Variants in HEATR5A observed in about 807,000 individuals in gnomAD.
HEATR5A encodes the protein HEAT repeat containing 5A.
Under a neutral mutation model 218.8 loss-of-function variants are expected in HEATR5A, and 178 were observed. The observed-to-expected ratio is 0.81, with a 90% CI of 0.72 to 0.92. HEATR5A has a LOEUF of 0.92. HEATR5A is among the 40% of genes least tolerant of loss of function. The pLI, the probability that HEATR5A is intolerant of heterozygous loss-of-function variation, is 0.00. For missense variants in HEATR5A, 2,420 were observed against 2,418.9 expected, an observed-to-expected ratio of 1.00 and a Z score of -0.01; for synonymous variants, 864 against 871.6, an observed-to-expected ratio of 0.99 and a Z score of 0.15.
At chr14:31,300,681 C>T (rs969257442) in intron 33 of HEATR5A, among the ~76,000 whole-genome samples, 1 of 152,222 alleles carries the variant, frequency 6.6e-6, no homozygotes, top group Admixed American at 6.5e-5. Flanking sequence ...GATGGGCAAT[C>T]TGGCTCCAGA....
intron 24 of HEATR5A, 71 bp from the exon 25 acceptor site, chr14:31,321,751 A>C: frequency 8.6e-7 from 1 of 1,168,274 alleles, no homozygotes; most frequent in Non-Finnish European, 1.2e-6. Context: ...TGGAACTAAG[A>C]CTTACATTAA....
chr14:31,306,682 C>T, intron 31 of HEATR5A, 50 bp downstream of exon 31: 2 of 1,533,746 alleles, frequency 1.3e-6, no homozygotes, highest in Non-Finnish European at 1.8e-6. Context: ...TAATACTTTA[C>T]AAAAGAATGA....
At chr14:31,325,248 T>C (rs1900225489) in intron 23 of HEATR5A, among the ~76,000 whole-genome samples, 1 of 152,186 alleles carries the variant, frequency 6.6e-6, no homozygotes, top group African/African-American at 2.4e-5. Flanking sequence ...CTCATTTATT[T>C]TCTCTCTTAC....
At chr14:31,319,452 CT>C (rs1900018259) in intron 25 of HEATR5A, among the ~76,000 whole-genome samples, 2 of 152,166 alleles carry the variant, frequency 1.3e-5, no homozygotes, top group Non-Finnish European at 2.9e-5. Flanking sequence ...CGCGCCCGGC[CT>C]CTAATATGAC....
intron 1 of HEATR5A, among the ~76,000 whole-genome samples, chr14:31,418,719 G>A (rs968582028): frequency 2.6e-5 from 4 of 151,814 alleles, no homozygotes; most frequent in East Asian, 1.9e-4. Context: ...TTATACTATG[G>A]GATAATTAAT....
chr14:31,356,549 T>C (rs1431471072), intron 16 of HEATR5A, among the ~76,000 whole-genome samples: 1 of 152,182 alleles, frequency 6.6e-6, no homozygotes. Flanking sequence ...CTATTTTTTT[T>C]CCAAAATAGT....
intron 12 of HEATR5A, among the ~76,000 whole-genome samples, chr14:31,373,978 C>G (rs770614357): frequency 1.3e-5 from 2 of 152,064 alleles, no homozygotes; most frequent in African/African-American, 4.8e-5. Flanking sequence ...CTCTAGCTTA[C>G]TCCAAGAATA....
At chr14:31,319,248 G>A (rs1900010832) in intron 25 of HEATR5A, among the ~76,000 whole-genome samples, 1 of 152,006 alleles carries the variant, frequency 6.6e-6, no homozygotes, top group Non-Finnish European at 1.5e-5. Context: ...CACCTTCTGG[G>A]TTCAAGTGAT....
At position 31,350,737 on chromosome 14, in the gene HEATR5A, G is replaced by C; in HGVS notation, c.2412-20C>G. 1 of 1,308,954 alleles carries C rather than the reference G, an allele frequency of 7.6e-7. No homozygotes were observed. The highest frequency in any genetic ancestry group is 1.3e-5 in the South Asian group (1 of 77,426). 81.1% of individuals were successfully genotyped at this position (1,308,954 alleles called of 1,614,324 possible). A position where few individuals can be genotyped will look rare whatever the true frequency, so the allele number is the denominator to read the frequency against. On this transcript the variant is annotated intron_variant, in intron 16 of 35. Transcript: ENST00000543095. The stretch of plus-strand genomic sequence containing the variant: ...AGAAGCCTACAATCAGAAATAACAG[G>C]ATTTAAAAGCAAGTAGGTAAGTTTT...
rs1296597064 is a variant in HEATR5A, at chr14:31,364,246, C to T, written c.2014G>A (p.Val672Ile). 1.3e-6 allele frequency: 2 copies of T among 1,555,882 alleles called. No homozygotes were observed. The highest frequency in any genetic ancestry group is 1.2e-5 in the South Asian group (1 of 83,674). ...AGTTCATAAAGTCTTTGTCTATAAA[C>T]CACTGACGGTGTTTTCAAAGGACTT... ...YGSPLKTPSV[V>I]YRQRLYELLI... The change falls in exon 14 of 36, where the codon GTT becomes ATT. Residue 672 changes from valine to isoleucine, a missense_variant. Transcript: ENST00000543095.
intron 22 of HEATR5A, among the ~76,000 whole-genome samples, chr14:31,335,958 G>A (rs538957825): frequency 1.5e-5 from 2 of 132,672 alleles, no homozygotes; most frequent in South Asian, 5.3e-4. Context: ...ACCAGCCAGG[G>A]TGTAAGATAA....
intron 11 of HEATR5A, among the ~76,000 whole-genome samples, chr14:31,375,226 T>C (rs1902182556): frequency 6.6e-6 from 1 of 152,202 alleles, no homozygotes; most frequent in Non-Finnish European, 1.5e-5. Context: ...CTATGTGCTC[T>C]TTGAGACTCA....
intron 19 of HEATR5A, among the ~76,000 whole-genome samples, chr14:31,346,299 GAGA>G (rs372904455): frequency 7.1e-4 from 108 of 152,286 alleles, no homozygotes; most frequent in African/African-American, 2.2e-3. Flanking sequence ...CTTGAAGAGA[GAGA>G]AGAAGAATAT....
At chr14:31,391,144 A>G (rs907037929) in intron 6 of HEATR5A, among the ~76,000 whole-genome samples, 6 of 152,218 alleles carry the variant, frequency 3.9e-5, no homozygotes, top group Non-Finnish European at 8.8e-5. Flanking sequence ...TGTACAATGT[A>G]TCTACGTTTT....
chr14:31,315,447 C>T lies in HEATR5A; in HGVS notation c.4218+323G>A, dbSNP rs569061525. 9.9e-5 allele frequency among the ~76,000 whole-genome samples: 15 copies of T among 152,220 alleles called. 1 individual carries two copies. In the South Asian group the frequency reaches 2.9e-3, roughly 29 times the overall value. ...AAAGAGCATTAGAAAGCATTACATG[C>T]TACAGAGTTGATAGAAGATACAAGG... On this transcript the variant is annotated intron_variant, in intron 27 of 35. Transcript: ENST00000543095.
chr14:31,400,028 A>G (rs1316852743), intron 3 of HEATR5A, among the ~76,000 whole-genome samples: 1 of 152,218 alleles, frequency 6.6e-6, no homozygotes, highest in East Asian at 1.9e-4. Flanking sequence ...TGAAGAATTT[A>G]AAATATCTTT....
intron 22 of HEATR5A, among the ~76,000 whole-genome samples, chr14:31,327,032 T>C (rs1315686578): frequency 6.6e-6 from 1 of 151,790 alleles, no homozygotes; most frequent in Non-Finnish European, 1.5e-5. Context: ...TGGAGTGAAG[T>C]GGTGCAATCT....
chr14:31,402,006 T>C (rs2030895674), intron 2 of HEATR5A, among the ~76,000 whole-genome samples: 1 of 151,888 alleles, frequency 6.6e-6, no homozygotes, highest in Non-Finnish European at 1.5e-5. Flanking sequence ...TAGAATTTTG[T>C]CTTTTGTTTT....
chr14:31,389,821 G>T (rs1235533432), intron 6 of HEATR5A, among the ~76,000 whole-genome samples: 2 of 152,120 alleles, frequency 1.3e-5, no homozygotes, highest in Admixed American at 1.3e-4. Context: ...GGCATTTGGG[G>T]AAGAAACATT....
Sources: gnomAD v4.1 joint callset for allele counts (sites outside exome capture counted in the v4.1 genomes callset) on GRCh38, gnomAD v4.1.1 for gene constraint, MANE v1.5 for transcripts, NCBI Gene and HGNC (gene_info 2026-07-23, HGNC 2026-07-21) for gene names.